Variants in NTM observed in about 807,000 individuals in gnomAD.
The protein encoded by NTM is neurotrimin, also known as IgLON family member 2.
In NTM, 13 loss-of-function variants were observed where a neutral mutation model predicts 42.1. The ratio of observed to expected loss-of-function variants is 0.31; its 90% CI spans 0.20 to 0.49. The LOEUF (loss-of-function observed/expected upper bound fraction) is 0.49. Among genes scored for constraint, NTM ranks in the 20% least tolerant of loss-of-function variants. The pLI is 0.99. For synonymous variants in NTM, 187 were observed against 179.2 expected (o/e 1.04, Z -0.35); for missense variants, 373 against 452.8 (o/e 0.82, Z 1.60).
At chr11:132,076,954 C>T (rs1547896) in intron 2 of NTM, among the ~76,000 whole-genome samples, 41,147 of 152,030 alleles carry the variant, frequency 0.27, 5,915 homozygotes, top group African/African-American at 0.35. Context: ...AATCTTTAAA[C>T]GGGATTGTGT....
intron 2 of NTM, among the ~76,000 whole-genome samples, chr11:132,104,181 G>C (rs2061974902): frequency 1.3e-5 from 2 of 152,170 alleles, no homozygotes; most frequent in East Asian, 1.9e-4. Flanking sequence ...GAATCTGTGT[G>C]CCTTAAGAGC....
At chr11:131,433,104 G>C (rs1360897282) in intron 1 of NTM, among the ~76,000 whole-genome samples, 2 of 151,738 alleles carry the variant, frequency 1.3e-5, no homozygotes, top group Non-Finnish European at 2.9e-5. Context: ...TGATCCCCCC[G>C]TCTCGGCCTC....
chr11:131,739,071 C>A (rs566838492), intron 1 of NTM, among the ~76,000 whole-genome samples: 5 of 152,298 alleles, frequency 3.3e-5, no homozygotes, highest in African/African-American at 1.2e-4. Flanking sequence ...ATCCCTCCCA[C>A]TGCCAAGCTT....
At position 132,336,527 on chromosome 11, in the gene NTM, C is replaced by T. The variant is rs979133633; in HGVS notation, c.*1381C>T. 1.3e-5 allele frequency: 2 copies of T among 152,666 alleles called. No homozygotes were observed. The highest frequency in any genetic ancestry group is 6.5e-5 in the Admixed American group (1 of 15,290). The allele number at this position is 152,666 out of a possible 1,614,324, so 9.5% of individuals were successfully genotyped here. On this transcript the variant is annotated 3_prime_UTR_variant, in exon 9 of 9. Coordinates refer to ENST00000683400, the MANE Select transcript of NTM (RefSeq NM_001352005.2). The stretch of plus-strand genomic sequence containing the variant: ...CAGCAAGCAGCTGAACAAGCAGTAC[C>T]GTCAGTACCCACTTGCTTTAGCCCA...
At chr11:132,318,669 A>C (rs2095490991) in intron 7 of NTM, among the ~76,000 whole-genome samples, 1 of 152,172 alleles carries the variant, frequency 6.6e-6, no homozygotes, top group African/African-American at 2.4e-5. Flanking sequence ...TGTCACCCTG[A>C]GGACAGTGCT....
At chr11:132,024,213 C>T (rs2074833587) in intron 2 of NTM, among the ~76,000 whole-genome samples, 1 of 151,932 alleles carries the variant, frequency 6.6e-6, no homozygotes, top group Admixed American at 6.5e-5. Flanking sequence ...CTGCATTTCC[C>T]CAAAGACATC....
rs371709347 is a variant in NTM at position 131,633,157 on chromosome 11, TTTTG to T, written c.82+262272_82+262275del. Among the ~76,000 whole-genome samples, 692 of 152,286 alleles carry T rather than the reference TTTTG, an allele frequency of 4.5e-3. 8 individuals carry two copies. The highest frequency in any genetic ancestry group is 0.016 in the African/African-American group (646 of 41,538). ...TAATGACTGGGTTCTGATTTATCAT[TTTTG>T]TTGTTGTTAAATGCTGACTCCCCAA... On this transcript the variant is annotated intron_variant, in intron 1 of 8. Coordinates refer to ENST00000683400, the MANE Select transcript of NTM (RefSeq NM_001352005.2).
chr11:132,255,327 C>T (rs2092386353), intron 4 of NTM, among the ~76,000 whole-genome samples: 1 of 152,040 alleles, frequency 6.6e-6, no homozygotes, highest in Non-Finnish European at 1.5e-5. Context: ...TCTCTCCTGA[C>T]AATATGACGT....
chr11:131,928,964 A>G (rs139788405), intron 2 of NTM, among the ~76,000 whole-genome samples: 57 of 152,264 alleles, frequency 3.7e-4, no homozygotes, highest in African/African-American at 1.3e-3. Context: ...TTGTTTTCTC[A>G]TGTTCCCATA....
intron 1 of NTM, among the ~76,000 whole-genome samples, chr11:131,773,683 C>T (rs904241809): frequency 6.6e-6 from 1 of 152,210 alleles, no homozygotes; most frequent in African/African-American, 2.4e-5. Flanking sequence ...TTCTTCCTGA[C>T]TGCTTACATT....
At chr11:131,543,522 G>T (rs1230482135) in intron 1 of NTM, among the ~76,000 whole-genome samples, 1 of 152,198 alleles carries the variant, frequency 6.6e-6, no homozygotes, top group African/African-American at 2.4e-5. Flanking sequence ...TGATTAGGGA[G>T]AAAGTTGCTA....
chr11:131,407,902 G>A (rs769289599), intron 1 of NTM, among the ~76,000 whole-genome samples: 1 of 152,242 alleles, frequency 6.6e-6, no homozygotes, highest in Non-Finnish European at 1.5e-5. Context: ...TCTCACCAGA[G>A]TGGTGCTAAA....
chr11:132,018,948 T>G lies in NTM; in HGVS notation c.167+107300T>G, dbSNP rs138468778. 1.5e-3 allele frequency among the ~76,000 whole-genome samples: 228 copies of G among 152,142 alleles called. 1 individual carries two copies. The highest frequency in any genetic ancestry group is 5.2e-3 in the African/African-American group (215 of 41,584). ...CTGGAGTCATTTTTGGAAATGTGTGTCTTTCTAGGAATTTTCACATTTCAT... is the reference window on the plus strand; with the variant it reads ...CTGGAGTCATTTTTGGAAATGTGTGGCTTTCTAGGAATTTTCACATTTCAT... On this transcript the variant is annotated intron_variant, in intron 2 of 8. Coordinates refer to ENST00000683400, the MANE Select transcript of NTM (RefSeq NM_001352005.2).
intron 7 of NTM, among the ~76,000 whole-genome samples, chr11:132,323,029 A>C (rs2095604606): frequency 7.4e-6 from 1 of 135,134 alleles, no homozygotes; most frequent in Non-Finnish European, 1.6e-5. Flanking sequence ...CATTCAAAGC[A>C]GTGTGTAGAG....
intron 2 of NTM, among the ~76,000 whole-genome samples, chr11:131,963,158 A>T (rs2134543231): frequency 6.6e-6 from 1 of 152,230 alleles, no homozygotes; most frequent in Non-Finnish European, 1.5e-5. Context: ...TCCTAGGCAA[A>T]AGACTTTATT....
intron 1 of NTM, among the ~76,000 whole-genome samples, chr11:131,681,355 G>A (rs1353523820): frequency 6.0e-5 from 1 of 16,570 alleles, no homozygotes; most frequent in African/African-American, 1.5e-4. Flanking sequence ...CTGTGTGTAT[G>A]TCTCCCTGTG....
At chr11:132,127,161 G>A (rs761175150) in intron 2 of NTM, among the ~76,000 whole-genome samples, 11 of 152,144 alleles carry the variant, frequency 7.2e-5, no homozygotes, top group African/African-American at 1.2e-4. Context: ...CTGGTGGATC[G>A]AAAGGTGGTG....
intron 1 of NTM, among the ~76,000 whole-genome samples, chr11:131,890,336 G>C (rs1243094989): frequency 6.6e-6 from 1 of 152,144 alleles, no homozygotes; most frequent in Non-Finnish European, 1.5e-5. Flanking sequence ...AGGCTGTGAG[G>C]TTCCTTAAAT....
rs1592524587 is a variant in NTM at position 131,882,067 on chromosome 11, A to T, written c.83-29497A>T. Among the ~76,000 whole-genome samples, 3 of 152,332 alleles carry T rather than the reference A, an allele frequency of 2.0e-5. No homozygotes were observed. The South Asian group carries it at 6.2e-4, about 32-fold the overall frequency. The stretch of plus-strand genomic sequence containing the variant: ...AAGGATATATTCCAACAAAGGGCCC[A>T]AGTGAGTGTCTTGCCTGTAGGAAAA... On this transcript the variant is annotated intron_variant, in intron 1 of 8. Coordinates refer to ENST00000683400, the MANE Select transcript of NTM (RefSeq NM_001352005.2).
Sources: allele counts gnomAD v4.1 joint callset (sites outside exome capture counted in the v4.1 genomes callset), GRCh38; gene constraint gnomAD v4.1.1; transcripts MANE v1.5; gene names NCBI Gene and HGNC (gene_info 2026-07-23, HGNC 2026-07-21).